SF3B3: variants seen among roughly 807,000 people sequenced by gnomAD.
SF3B3 encodes the protein splicing factor 3b subunit 3.
SF3B3 carries 33 observed loss-of-function variants against 139.2 expected under a neutral mutation model. The observed-to-expected ratio is 0.24, with a 90% CI of 0.18 to 0.32. The LOEUF (loss-of-function observed/expected upper bound fraction) is 0.32. SF3B3 is among the 10% of genes least tolerant of loss of function. The probability of loss-of-function intolerance (pLI) is 1.00; values close to 1 mark genes in which losing one functional copy is unlikely to be tolerated. For synonymous variants in SF3B3, 596 were observed against 563.6 expected, an observed-to-expected ratio of 1.06 and a Z score of -0.81; for missense variants, 818 against 1,509.4, an observed-to-expected ratio of 0.54 and a Z score of 7.59.
chr16:70,538,146 T>C (rs2050186365), intron 6 of SF3B3, 177 bp from the exon 7 acceptor site: 1 of 736,786 alleles, frequency 1.4e-6, no homozygotes, highest in Non-Finnish European at 2.5e-6. Flanking sequence ...TATTAGATAT[T>C]TATATTAGAA....
At chr16:70,555,026 G>A (rs761360707) in intron 12 of SF3B3, 25 bp from the exon 13 acceptor site, 1 of 1,608,172 alleles carries the variant, frequency 6.2e-7, no homozygotes. Flanking sequence ...GTTAAAGTCA[G>A]GTTTCTTTCT....
chr16:70,528,181 T>C (rs1328742942), intron 2 of SF3B3, among the ~76,000 whole-genome samples: 5 of 148,576 alleles, frequency 3.4e-5, no homozygotes, highest in Non-Finnish European at 7.4e-5. Context: ...TTTTTTTTTT[T>C]TGAGACGTAG....
intron 24 of SF3B3, among the ~76,000 whole-genome samples, chr16:70,570,695 C>G (rs79369021): frequency 6.6e-6 from 1 of 152,314 alleles, no homozygotes; most frequent in South Asian, 2.1e-4. Context: ...CAAGGTTAGC[C>G]TGAGCCCAGA....
chr16:70,525,979 A>AAAAAAAAAAAAAAAAAAT, intron 1 of SF3B3, among the ~76,000 whole-genome samples: 1 of 147,408 alleles, frequency 6.8e-6, no homozygotes, highest in African/African-American at 2.6e-5. Flanking sequence ...AAAAAAAAAA[A>AAAAAAAAAAAAAAAAAAT]AGGAAAAAAA....
chr16:70,524,325 G>A (rs2050026609), intron 1 of SF3B3, among the ~76,000 whole-genome samples: 1 of 152,086 alleles, frequency 6.6e-6, no homozygotes, highest in South Asian at 2.1e-4. Flanking sequence ...CCAAGACTCC[G>A]GTTTGAATTT....
rs777114450 is a variant in SF3B3, at chr16:70,561,726, G to A, written c.2230G>A (p.Gly744Ser). The A allele has an allele frequency of 2.5e-6, 4 of 1,613,892 alleles. No individual in the cohort carries two copies. Among genetic ancestry groups the A allele is most frequent in the African/African-American group, 2.7e-5 (2 of 74,880 alleles). ...LSYETLEFAS[G>S]FASEQCPEGI... The stretch of plus-strand genomic sequence containing the variant: ...TTACGAGACACTGGAATTTGCATCG[G>A]GTTTTGCCTCGGAACAGTGTCCCGA... Residue 744 changes from glycine to serine, a missense_variant, in exon 17 of 26, where the codon GGT (glycine) becomes AGT (serine). Gly to Ser is a moderately conservative substitution (Grantham distance 56). This residue lies in a region of SF3B3 where 170 missense variants were observed against 353.0 expected (regional missense o/e 0.48). Transcript: ENST00000302516.
At chr16:70,554,203 C>G (rs1172737065) in intron 11 of SF3B3, 1 of 383,324 alleles carries the variant, frequency 2.6e-6, no homozygotes, top group Non-Finnish European at 4.7e-6. Flanking sequence ...TTTGTCCTCT[C>G]ACTTCTTTAG....
intron 3 of SF3B3, among the ~76,000 whole-genome samples, chr16:70,529,820 G>A (rs1004705781): frequency 3.3e-5 from 5 of 151,888 alleles, no homozygotes; most frequent in Non-Finnish European, 7.4e-5. Flanking sequence ...CGGGCACGGT[G>A]GCTATTTATC....
rs200792793 is a variant in SF3B3, at chr16:70,559,920, GC to G, written c.2011-548del. ...CCTGGCTTCTTTTTTTTTGAGGGGT[GC>G]GGGGGGGTGGTAAATTGACTCATTC... On this transcript the variant is annotated intron_variant, in intron 15 of 25. Coordinates refer to ENST00000302516, the MANE Select transcript of SF3B3 (RefSeq NM_012426.5). 3.0e-4 allele frequency among the ~76,000 whole-genome samples: 36 copies of G among 119,226 alleles called. 1 individual carries two copies. The South Asian group carries it at 0.012, about 39-fold the overall frequency. The allele number at this position is 119,226 out of a possible 152,430, so 78.2% of individuals were successfully genotyped here.
At chr16:70,524,832 C>T (rs1022263357) in intron 1 of SF3B3, 4 of 152,570 alleles carry the variant, frequency 2.6e-5, no homozygotes, top group Non-Finnish European at 4.4e-5. Context: ...AGGCGCCCGC[C>T]ACCGCGCCCA....
chr16:70,543,149 T>C (rs952361923), intron 9 of SF3B3, among the ~76,000 whole-genome samples: 1 of 152,104 alleles, frequency 6.6e-6, no homozygotes, highest in Non-Finnish European at 1.5e-5. Context: ...GGCTCATGCT[T>C]GTAATCCCAG....
At chr16:70,542,037 A>G (rs2050223375) in intron 9 of SF3B3, among the ~76,000 whole-genome samples, 1 of 152,222 alleles carries the variant, frequency 6.6e-6, no homozygotes, top group Non-Finnish European at 1.5e-5. Context: ...GTAAAAATGC[A>G]GATCATATTC....
intron 8 of SF3B3, among the ~76,000 whole-genome samples, chr16:70,539,832 A>C (rs2050202372): frequency 6.7e-6 from 1 of 149,682 alleles, no homozygotes; most frequent in Non-Finnish European, 1.5e-5. Flanking sequence ...ACTGGAGTGC[A>C]ATGGTGTGAT....
intron 18 of SF3B3, 25 bp from the exon 19 acceptor site, chr16:70,565,040 C>A: frequency 6.2e-7 from 1 of 1,611,310 alleles, no homozygotes; most frequent in Non-Finnish European, 8.5e-7. Context: ...CACGCCAACT[C>A]AGTTACTCGT....
Position 70,567,361 on chromosome 16 carries a change from G to T in SF3B3, c.2827-50G>T, listed in dbSNP as rs376675594. On this transcript the variant is annotated intron_variant, in intron 20 of 25. Coordinates refer to ENST00000302516, the MANE Select transcript of SF3B3 (RefSeq NM_012426.5). Reference sequence around the variant, plus strand: ...ATTTCTGGGCAGAGAGGTGAGGCCTGTGTCTGGCTGGCATTTATAATAGCT... The same window carrying T: ...ATTTCTGGGCAGAGAGGTGAGGCCTTTGTCTGGCTGGCATTTATAATAGCT... The T allele has an allele frequency of 1.9e-6, 3 of 1,578,938 alleles. No homozygotes were observed. The Admixed American group carries it at 5.5e-5, about 29-fold the overall frequency.
intron 1 of SF3B3, among the ~76,000 whole-genome samples, chr16:70,525,886 A>G (rs991048703): frequency 6.8e-6 from 1 of 146,452 alleles, no homozygotes; most frequent in Non-Finnish European, 1.5e-5. Flanking sequence ...GTGTGAACCC[A>G]GGAGGCGGAG....
In SF3B3 at chr16:70,560,472, G is replaced by A; in HGVS notation, c.2014G>A (p.Gly672Ser). 3 of 1,613,240 alleles carry A rather than the reference G, an allele frequency of 1.9e-6. No individual in the cohort carries two copies. The highest frequency in any genetic ancestry group is 1.1e-5 in the South Asian group (1 of 91,012). Residue 672 changes from glycine (G) to serine (S), a missense_variant, in exon 16 of 26, where the codon GGT (glycine) becomes AGT (serine). This residue lies in a region of SF3B3 where 170 missense variants were observed against 353.0 expected (regional missense o/e 0.48). Coordinates refer to ENST00000302516, the MANE Select transcript of SF3B3 (RefSeq NM_012426.5). ...CTGCTCCTCTCCTTTTGATTAGAAC[G>A]GTGTGCTGCTGAGGACTGTCTTGGA... ...FLYLNIGLQNGVLLRTVLDPV... is the reference protein window; with the variant it reads ...FLYLNIGLQNSVLLRTVLDPV...
intron 2 of SF3B3, among the ~76,000 whole-genome samples, chr16:70,527,405 T>C (rs1045972185): frequency 4.6e-5 from 7 of 152,358 alleles, no homozygotes; most frequent in African/African-American, 1.7e-4. Context: ...ATCCAAGTAA[T>C]GCAGGAGGTT....
chr16:70,562,586 G>A (rs1336776853), intron 17 of SF3B3, among the ~76,000 whole-genome samples: 1 of 152,038 alleles, frequency 6.6e-6, no homozygotes, highest in East Asian at 1.9e-4. Context: ...GTGCTAGAAT[G>A]CTTCACCCAC....
Sources: gnomAD v4.1 joint callset for allele counts (sites outside exome capture counted in the v4.1 genomes callset) on GRCh38, gnomAD v4.1.1 for gene constraint, gnomAD v4.1.1 regional missense constraint, MANE v1.5 for transcripts, NCBI Gene and HGNC (gene_info 2026-07-23, HGNC 2026-07-21) for gene names.